Variants in ADAM23 observed in about 807,000 individuals in gnomAD.
The protein encoded by ADAM23 is disintegrin and metalloproteinase domain-containing protein 23.
A neutral mutation model predicts 120.1 loss-of-function variants in ADAM23; 33 were observed. The observed-to-expected ratio is 0.27, with a 90% CI of 0.21 to 0.37. The LOEUF is 0.37. ADAM23 is among the 10% of genes least tolerant of loss of function. The probability of loss-of-function intolerance (pLI) is 1.00; values close to 1 mark genes in which losing one functional copy is unlikely to be tolerated. For missense variants in ADAM23, 862 were observed against 1,058.2 expected (o/e 0.81, Z 2.57); for synonymous variants, 367 against 375.2 (o/e 0.98, Z 0.25).
intron 17 of ADAM23, among the ~76,000 whole-genome samples, chr2:206,572,807 T>A (rs901505412): frequency 6.6e-6 from 1 of 152,234 alleles, no homozygotes; most frequent in African/African-American, 2.4e-5. Flanking sequence ...CTATTTTGTC[T>A]TAAGCCAAAC....
At position 206,465,353 on chromosome 2, in the gene ADAM23, A is replaced by C. The variant is rs140068710; in HGVS notation, c.433-15879A>C. ...CTGCATCTGGCCTACGTTCTTGCAG[A>C]TTCTATAATTTTTATTTTGTGGGAA... On this transcript the variant is annotated intron_variant, in intron 2 of 25. Coordinates refer to ENST00000264377, the MANE Select transcript of ADAM23 (RefSeq NM_003812.4). Among the ~76,000 whole-genome samples, 1,366 of 152,248 alleles carry C rather than the reference A, an allele frequency of 9.0e-3. 22 individuals are homozygous for C. Among genetic ancestry groups the C allele is most frequent in the African/African-American group, 0.031 (1,295 of 41,546 alleles).
At chr2:206,489,238 T>C (rs1291151205) in intron 3 of ADAM23, among the ~76,000 whole-genome samples, 1 of 152,190 alleles carries the variant, frequency 6.6e-6, no homozygotes, top group African/African-American at 2.4e-5. Context: ...ATTTTTGTGA[T>C]TCCTGAATCC....
At chr2:206,462,796 TAAG>T (rs570694379) in intron 2 of ADAM23, among the ~76,000 whole-genome samples, 47 of 152,246 alleles carry the variant, frequency 3.1e-4, no homozygotes, top group African/African-American at 8.7e-4. Context: ...TTTTTAAAGT[TAAG>T]AAGGGGCCAG....
At chr2:206,459,065 T>A (rs2105857450) in intron 2 of ADAM23, among the ~76,000 whole-genome samples, 1 of 152,362 alleles carries the variant, frequency 6.6e-6, no homozygotes, top group African/African-American at 2.4e-5. Flanking sequence ...GATTCCCCTC[T>A]TCTTATAAAT....
Position 206,560,053 on chromosome 2 carries a change from G to A in ADAM23, c.1104G>A (p.Met368Ile), listed in dbSNP as rs1359133934. 1 of 1,614,048 alleles carries A rather than the reference G, an allele frequency of 6.2e-7. No homozygotes were observed. Among genetic ancestry groups the A allele is most frequent in the Non-Finnish European group, 8.5e-7 (1 of 1,180,014 alleles). Residue 368 changes from methionine (M) to isoleucine (I), a missense_variant, in exon 11 of 26, where the codon ATG becomes ATA. By Grantham distance (10) the Met-to-Ile change is conservative. This residue lies in a region of ADAM23 where 617 missense variants were observed against 813.5 expected (regional missense o/e 0.76). Coordinates refer to ENST00000264377, the MANE Select transcript of ADAM23 (RefSeq NM_003812.4). ...QIDITTNPVQ[M>I]LHEFSKYRQR... ...ACATCACCACCAACCCTGTGCAGAT[G>A]CTCCATGAGTTCTCAAAATACCGGC...
In ADAM23 at chr2:206,562,253, A is replaced by G. The variant is rs1697782522; in HGVS notation, c.1305A>G (p.Gln435=). The change falls in exon 13 of 26, where the codon CAA becomes CAG. Residue 435 remains glutamine, a synonymous_variant. Coordinates refer to ENST00000264377, the MANE Select transcript of ADAM23 (RefSeq NM_003812.4). ...AAGTATTATCGCAGAGCCTGGCTCAAAACCTTGGAATCCAATGGGAACCTT... is the reference window on the plus strand; with the variant it reads ...AAGTATTATCGCAGAGCCTGGCTCAGAACCTTGGAATCCAATGGGAACCTT... ...VAQVLSQSLA[Q]NLGIQWEPSS... is the part of the protein sequence containing the mutation. 6.8e-6 allele frequency: 11 copies of G among 1,613,994 alleles called. No homozygotes were observed. The African/African-American group carries it at 1.1e-4, about 16-fold the overall frequency.
rs1012494091 is a variant in ADAM23 at position 206,536,610 on chromosome 2, C to T, written c.574-5442C>T. Among the ~76,000 whole-genome samples, 5 of 152,208 alleles carry T rather than the reference C, an allele frequency of 3.3e-5. No individual in the cohort carries two copies. The East Asian group carries it at 5.8e-4, about 18-fold the overall frequency. ...AGGTGGTCACGCCACACGCTTAAAA[C>T]GTAACTGTGAGGTAGAAATAAGACA... On this transcript the variant is annotated intron_variant, in intron 4 of 25. Transcript: ENST00000264377.
intron 20 of ADAM23, 70 bp downstream of exon 20, chr2:206,588,224 C>G (rs113877569): frequency 1.1e-5 from 17 of 1,518,550 alleles, no homozygotes; most frequent in African/African-American, 5.5e-5. Flanking sequence ...CTCTGCCAGT[C>G]TTGCTGAGAG....
chr2:206,496,358 C>T (rs1189677827), intron 3 of ADAM23, among the ~76,000 whole-genome samples: 3 of 151,998 alleles, frequency 2.0e-5, no homozygotes, highest in Admixed American at 6.6e-5. Flanking sequence ...CACTCAAAAC[C>T]GCTCAACTAC....
At chr2:206,482,260 C>T (rs921638352) in intron 3 of ADAM23, among the ~76,000 whole-genome samples, 7 of 152,156 alleles carry the variant, frequency 4.6e-5, no homozygotes, top group African/African-American at 1.7e-4. Flanking sequence ...CAGAATGAAT[C>T]AGCAGAACTC....
rs1266311628 is a variant in ADAM23, at chr2:206,573,194, A to G, written c.1736A>G (p.Gln579Arg). The G allele has an allele frequency of 6.2e-7, 1 of 1,613,884 alleles. No individual in the cohort carries two copies. Among genetic ancestry groups the G allele is most frequent in the Non-Finnish European group, 8.5e-7 (1 of 1,179,768 alleles). ...GAATATTGTACTGGAGACTCTGGTC[A>G]GGTATGGCGCACTGAGTTTTTGGTA... ...ITEYCTGDSG[Q>R]CPPNLHKQDG... is the part of the protein sequence containing the mutation. The change falls in exon 18 of 26, where the codon CAG becomes CGG. Residue 579 changes from glutamine to arginine, a missense_variant and splice_region_variant. Coordinates refer to ENST00000264377, the MANE Select transcript of ADAM23 (RefSeq NM_003812.4).
At chr2:206,444,373 C>A (rs1207148) in intron 1 of ADAM23, among the ~76,000 whole-genome samples, 151,546 of 152,322 alleles carry the variant, frequency 0.99, 75,389 homozygotes, top group East Asian at 1. Flanking sequence ...TGCGGAGGGG[C>A]AACCAGTGGA....
At chr2:206,531,168 G>A (rs17211709) in intron 4 of ADAM23, among the ~76,000 whole-genome samples, 7 of 152,156 alleles carry the variant, frequency 4.6e-5, no homozygotes, top group Non-Finnish European at 1.0e-4. Flanking sequence ...GATTATACAT[G>A]CAGTACCTTT....
At chr2:206,571,627 A>G (rs1245177246) in intron 16 of ADAM23, 100 bp from the exon 17 acceptor site, 2 of 771,238 alleles carry the variant, frequency 2.6e-6, no homozygotes, top group Non-Finnish European at 2.2e-6. Context: ...TTACTGTTGT[A>G]TAAATGTTCT....
At chr2:206,546,630 C>T (rs1697404074) in intron 6 of ADAM23, among the ~76,000 whole-genome samples, 1 of 152,006 alleles carries the variant, frequency 6.6e-6, no homozygotes, top group African/African-American at 2.4e-5. Context: ...TATGTTCTTC[C>T]AGTTTTCAAT....
intron 2 of ADAM23, among the ~76,000 whole-genome samples, chr2:206,466,128 A>G (rs901361573): frequency 1.3e-5 from 2 of 152,176 alleles, no homozygotes. Context: ...AGCAGTAGAG[A>G]TATCATGACT....
intron 15 of ADAM23, among the ~76,000 whole-genome samples, chr2:206,568,530 C>T (rs574695023): frequency 1.3e-5 from 2 of 152,302 alleles, no homozygotes; most frequent in East Asian, 3.9e-4. Context: ...GTAAATGCAT[C>T]GTACTTCTCT....
intron 17 of ADAM23, among the ~76,000 whole-genome samples, 177 bp downstream of exon 17, chr2:206,571,993 C>G (rs771431227): frequency 6.6e-6 from 1 of 152,138 alleles, no homozygotes; most frequent in Non-Finnish European, 1.5e-5. Flanking sequence ...ACATTTATCT[C>G]TACTATTATT....
At chr2:206,461,955 A>G (rs2105860197) in intron 2 of ADAM23, among the ~76,000 whole-genome samples, 1 of 152,242 alleles carries the variant, frequency 6.6e-6, no homozygotes, top group South Asian at 2.1e-4. Flanking sequence ...GGGACAAAAG[A>G]GCTTTTGCAA....
Sources: allele counts gnomAD v4.1 joint callset (sites outside exome capture counted in the v4.1 genomes callset), GRCh38; gene constraint gnomAD v4.1.1; regional missense constraint gnomAD v4.1.1; transcripts MANE v1.5; gene names NCBI Gene and HGNC (gene_info 2026-07-23, HGNC 2026-07-21).